The following CEP89 variants were observed in gnomAD, a reference collection of about 807,000 sequenced individuals.
The protein encoded by CEP89 is centrosomal protein 89, also known as centrosomal protein of 89 kDa.
A neutral mutation model predicts 97.6 loss-of-function variants in CEP89; 95 were observed. The ratio of observed to expected loss-of-function variants is 0.97; its 90% CI spans 0.82 to 1.15. The LOEUF is 1.15. Among genes scored for constraint, CEP89 ranks in the 50% most tolerant of loss-of-function variants. CEP89 has a pLI of 0.00. For missense variants in CEP89, 869 were observed against 947.7 expected, an observed-to-expected ratio of 0.92 and a Z score of 1.09; for synonymous variants, 354 against 349.1, an observed-to-expected ratio of 1.01 and a Z score of -0.16.
intron 1 of CEP89, among the ~76,000 whole-genome samples, chr19:32,967,008 G>A (rs1036997848): frequency 5.3e-5 from 8 of 152,106 alleles, no homozygotes; most frequent in Non-Finnish European, 8.8e-5. Flanking sequence ...GTATTTTTTT[G>A]TAGAGACAGG....
rs1331491449 is a variant in CEP89, at chr19:32,901,379, A to G, written c.1599T>C (p.Ala533=). ...GCTTCTCCATCAACTCCTCCATCTC[A>G]GCCCTTTCTTTCTCTTCTTCCTTCT... ...QLQKEEEKER[A]EMEELMEKLT... is the part of the protein sequence containing the mutation. Residue 533 remains alanine, a synonymous_variant, in exon 15 of 19, where the codon GCT becomes GCC. Transcript: ENST00000305768. 1 of 1,613,550 alleles carries G rather than the reference A, an allele frequency of 6.2e-7. No individual in the cohort carries two copies.
At chr19:32,916,922 C>T (rs139097962) in intron 13 of CEP89, among the ~76,000 whole-genome samples, 2,305 of 152,132 alleles carry the variant, frequency 0.015, 28 homozygotes, top group Non-Finnish European at 0.023. Flanking sequence ...GCAGGAGAAT[C>T]GCTGGAACCT....
In CEP89 at chr19:32,948,335, CG is replaced by C. The variant is rs755717856; in HGVS notation, c.525del (p.Asp175GlufsTer31). ...CCATCTTGATGAGAAATATTTTCATCGTCTTCACTGTTCACCTCATGTAACA... is the reference window on the plus strand; with the variant it reads ...CCATCTTGATGAGAAATATTTTCATCTCTTCACTGTTCACCTCATGTAACA... ...VPLLHEVNSE[D>X]DENISHQDGF... On this transcript the variant is annotated frameshift_variant, in exon 5 of 19. Transcript: ENST00000305768. LOFTEE classifies it high-confidence loss of function. The C allele has an allele frequency of 1.9e-6, 3 of 1,610,796 alleles. No individual in the cohort carries two copies. Among genetic ancestry groups the C allele is most frequent in the Non-Finnish European group, 2.5e-6 (3 of 1,178,354 alleles).
chr19:32,881,814 G>T, intron 18 of CEP89, 30 bp downstream of exon 18: 1 of 1,571,742 alleles, frequency 6.4e-7, no homozygotes. Flanking sequence ...AGACATCTCT[G>T]CGGGCCATGG....
At chr19:32,930,966 C>G (rs1238220336) in intron 9 of CEP89, among the ~76,000 whole-genome samples, 4 of 152,028 alleles carry the variant, frequency 2.6e-5, no homozygotes, top group African/African-American at 9.7e-5. Flanking sequence ...GCTCACCACA[C>G]CCTTGACCTC....
In CEP89 at chr19:32,926,615, G is replaced by A. The variant is rs189897521; in HGVS notation, c.1080+319C>T. Among the ~76,000 whole-genome samples the A allele has an allele frequency of 7.2e-3, 1,094 of 152,350 alleles. 19 individuals carry two copies. Among genetic ancestry groups the A allele is most frequent in the Non-Finnish European group, 6.9e-3 (469 of 68,032 alleles). On this transcript the variant is annotated intron_variant, in intron 10 of 18. Transcript: ENST00000305768. ...CCCACTCTGCCGCCCAGGCTCGCGT[G>A]CAGTGGCACGATCTCAGCTCACTGC...
Position 32,882,027 on chromosome 19 carries a change from G to T in CEP89, c.1966-14C>A. ...CTTCTTGTAGCCCTGGTCGGGGGAA[G>T]GACTCTGTGAATGAGGGGACGCTGC... On this transcript the variant is annotated splice_polypyrimidine_tract_variant and intron_variant, in intron 17 of 18. Transcript: ENST00000305768. 1 of 1,554,510 alleles carries T rather than the reference G, an allele frequency of 6.4e-7. No homozygotes were observed. Among genetic ancestry groups the T allele is most frequent in the East Asian group, 2.4e-5 (1 of 41,858 alleles).
At chr19:32,881,155 G>T (rs116683768) in intron 18 of CEP89, among the ~76,000 whole-genome samples, 40 of 152,270 alleles carry the variant, frequency 2.6e-4, no homozygotes, top group African/African-American at 9.6e-4. Flanking sequence ...GTTTAAAAAA[G>T]TTGGGCACAG....
At chr19:32,903,113 G>A (rs571739742) in intron 14 of CEP89, among the ~76,000 whole-genome samples, 1 of 151,928 alleles carries the variant, frequency 6.6e-6, no homozygotes, top group Admixed American at 6.6e-5. Flanking sequence ...AGGCTGAGGT[G>A]GGAGGATCCC....
chr19:32,955,658 C>A (rs749077858), intron 3 of CEP89, among the ~76,000 whole-genome samples: 5 of 152,116 alleles, frequency 3.3e-5, no homozygotes, highest in South Asian at 2.1e-4. Context: ...GGACTACAGG[C>A]GCCTGCCACC....
chr19:32,907,124 C>G (rs1279549661), intron 14 of CEP89, among the ~76,000 whole-genome samples: 3 of 152,174 alleles, frequency 2.0e-5, no homozygotes, highest in Admixed American at 1.3e-4. Context: ...CTTTGGTAGG[C>G]CAAGGCAGGA....
intron 17 of CEP89, among the ~76,000 whole-genome samples, chr19:32,882,950 C>T (rs1402453029): frequency 6.6e-6 from 1 of 152,058 alleles, no homozygotes; most frequent in African/African-American, 2.4e-5. Flanking sequence ...GCTCCGCCTC[C>T]CGGGTTCACA....
intron 16 of CEP89, among the ~76,000 whole-genome samples, chr19:32,896,780 T>A (rs1741377947): frequency 7.0e-6 from 1 of 143,172 alleles, no homozygotes; most frequent in Non-Finnish European, 1.5e-5. Context: ...TCTCTCTCTC[T>A]TTTTTTTTTT....
chr19:32,971,626 T>C (rs537702252), intron 1 of CEP89: 5 of 610,850 alleles, frequency 8.2e-6, no homozygotes, highest in Admixed American at 2.9e-5. Flanking sequence ...CACTGCACTC[T>C]AGCCTGGGCG....
chr19:32,903,755 G>A (rs10403144), intron 14 of CEP89, among the ~76,000 whole-genome samples: 25,849 of 152,138 alleles, frequency 0.17, 2,392 homozygotes, highest in Non-Finnish European at 0.21. Flanking sequence ...GGAGAGGTGA[G>A]AGGGAAAAAC....
rs1387666847 is a variant in CEP89 at position 32,953,392 on chromosome 19, C to T, written c.492+223G>A. Among the ~76,000 whole-genome samples, 4 of 151,780 alleles carry T rather than the reference C, an allele frequency of 2.6e-5. No homozygotes were observed. In the East Asian group the frequency reaches 7.7e-4, roughly 29 times the overall value. ...AGCTGTGAATGGAACTCCACATTAA[C>T]AATATGAAGATGTTAATCTTTGTTT... On this transcript the variant is annotated intron_variant, in intron 4 of 18. Coordinates refer to ENST00000305768, the MANE Select transcript of CEP89 (RefSeq NM_032816.5).
At chr19:32,907,325 C>T (rs940996033) in intron 14 of CEP89, among the ~76,000 whole-genome samples, 12 of 152,178 alleles carry the variant, frequency 7.9e-5, no homozygotes, top group Non-Finnish European at 1.8e-4. Flanking sequence ...TGAGCCACTT[C>T]ACTCCAGCCT....
chr19:32,970,988 T>C (rs566371940), intron 1 of CEP89: 2 of 152,024 alleles, frequency 1.3e-5, no homozygotes, highest in Admixed American at 6.5e-5. Flanking sequence ...GCCACTGTAC[T>C]CCAGCCTGGG....
intron 14 of CEP89, among the ~76,000 whole-genome samples, chr19:32,912,507 C>T (rs1035114267): frequency 6.6e-6 from 1 of 152,104 alleles, no homozygotes; most frequent in African/African-American, 2.4e-5. Flanking sequence ...GGCTGGCCTG[C>T]CATATGAATT....
Sources: allele counts gnomAD v4.1 joint callset (sites outside exome capture counted in the v4.1 genomes callset), GRCh38; gene constraint gnomAD v4.1.1; transcripts MANE v1.5; gene names NCBI Gene and HGNC (gene_info 2026-07-23, HGNC 2026-07-21).